The following PLD5 variants were observed in gnomAD, a reference collection of about 807,000 sequenced individuals.
PLD5 encodes the protein inactive phospholipase D5.
Under a neutral mutation model 61.1 loss-of-function variants are expected in PLD5, and 36 were observed. The observed-to-expected ratio is 0.59, with a 90% CI of 0.45 to 0.78. The LOEUF is 0.78. PLD5 is among the 30% of genes least tolerant of loss of function. The probability of loss-of-function intolerance (pLI) is 0.00; values close to 1 mark genes in which losing one functional copy is unlikely to be tolerated. For synonymous variants in PLD5, 243 were observed against 242.8 expected (o/e 1.00, Z -0.01); for missense variants, 515 against 644.4 (o/e 0.80, Z 2.17).
intron 1 of PLD5, among the ~76,000 whole-genome samples, chr1:242,479,176 T>C (rs1667691260): frequency 6.6e-6 from 1 of 152,108 alleles, no homozygotes; most frequent in Non-Finnish European, 1.5e-5. Flanking sequence ...CAATGGACCA[T>C]GGGCAGCACA....
chr1:242,530,535 A>T, the PLD5 span, among the ~76,000 whole-genome samples: 1 of 152,214 alleles, frequency 6.6e-6, no homozygotes, highest in African/African-American at 2.4e-5. Flanking sequence ...CTAAGTTGGC[A>T]CTTCATTTGG....
At chr1:242,339,756 C>T (rs1427565804) in intron 2 of PLD5, among the ~76,000 whole-genome samples, 6 of 152,022 alleles carry the variant, frequency 3.9e-5, no homozygotes, top group African/African-American at 1.4e-4. Flanking sequence ...GAGGGAAGGA[C>T]GAATGAAGTC....
chr1:242,280,110 G>C (rs1242145678), intron 3 of PLD5, among the ~76,000 whole-genome samples: 1 of 152,020 alleles, frequency 6.6e-6, no homozygotes, highest in East Asian at 1.9e-4. Context: ...AAATGAGATA[G>C]GATTATTAAA....
At position 242,524,239 on chromosome 1, in the gene PLD5, G is replaced by C. The variant is rs1050103215; in HGVS notation, c.38C>G (p.Pro13Arg). The C allele has an allele frequency of 9.3e-6, 14 of 1,512,986 alleles. No individual in the cohort carries two copies. The highest frequency in any genetic ancestry group is 2.8e-5 in the African/African-American group (2 of 70,742). The allele number at this position is 1,512,986 out of a possible 1,614,324, so 93.7% of individuals were successfully genotyped here. ...CCTCATCTGCTCGAAGCCCTCATGG[G>C]GGGAGGCCGAGAGCCACTCGTGCTG... ...IRQHEWLSAS[P>R]HEGFEQMRLK... Residue 13 changes from proline (P) to arginine (R), a missense_variant, in exon 1 of 10, where the codon CCC becomes CGC. This residue lies in a region of PLD5 where 65 missense variants were observed against 46.3 expected (regional missense o/e 1.40). Transcript: ENST00000536534.
intron 1 of PLD5, among the ~76,000 whole-genome samples, chr1:242,456,172 C>T (rs1253202322): frequency 1.3e-5 from 2 of 152,212 alleles, no homozygotes; most frequent in Admixed American, 6.5e-5. Context: ...CCTTACTCCG[C>T]CTTGCAATCA....
intron 2 of PLD5, among the ~76,000 whole-genome samples, chr1:242,304,618 T>A (rs1325702328): frequency 6.6e-6 from 1 of 152,218 alleles, no homozygotes; most frequent in Non-Finnish European, 1.5e-5. Context: ...TTAGTTTCTA[T>A]AAGAAACATT....
intron 5 of PLD5, among the ~76,000 whole-genome samples, chr1:242,182,995 A>G (rs1229725348): frequency 6.6e-6 from 1 of 152,240 alleles, no homozygotes; most frequent in Non-Finnish European, 1.5e-5. Flanking sequence ...AATTTCCACT[A>G]ACTCCATCCC....
At chr1:242,103,630 C>G (rs1660844118) in intron 8 of PLD5, among the ~76,000 whole-genome samples, 1 of 152,144 alleles carries the variant, frequency 6.6e-6, no homozygotes, top group South Asian at 2.1e-4. Flanking sequence ...CTCTGACTTC[C>G]TAGGACTGCA....
At chr1:242,310,200 T>C (rs1676619582) in intron 2 of PLD5, among the ~76,000 whole-genome samples, 1 of 152,146 alleles carries the variant, frequency 6.6e-6, no homozygotes, top group African/African-American at 2.4e-5. Flanking sequence ...TGTCTCATTC[T>C]GGTCTCATGT....
At chr1:242,403,089 T>C (rs12024076) in intron 1 of PLD5, among the ~76,000 whole-genome samples, 10,622 of 152,296 alleles carry the variant, frequency 0.07, 503 homozygotes, top group South Asian at 0.14. Flanking sequence ...GGTTAGTTTT[T>C]CTTTCGGAAA....
At position 242,207,878 on chromosome 1, in the gene PLD5, TTATATA is replaced by T. The variant is rs1209797290; in HGVS notation, c.735+12104_735+12109del. Among the ~76,000 whole-genome samples, 155 of 17,152 alleles carry T rather than the reference TTATATA, an allele frequency of 9.0e-3. 28 individuals carry two copies. Among genetic ancestry groups the T allele is most frequent in the African/African-American group, 0.036 (83 of 2,310 alleles). The allele number at this position is 17,152 out of a possible 152,430, so 11.3% of individuals were successfully genotyped here. On this transcript the variant is annotated intron_variant, in intron 5 of 9. Coordinates refer to ENST00000536534, the MANE Select transcript of PLD5 (RefSeq NM_001372062.1). ...TATATATTTATATATTTATATATAT[TTATATA>T]TTTATATATATTTATATATTTATAT...
rs540937507 is a variant in PLD5 at position 242,389,724 on chromosome 1, C to T, written c.190-41482G>A. On this transcript the variant is annotated intron_variant, in intron 1 of 9. Transcript: ENST00000536534. ...AAATATTCATCCACTCCAGCAGCCT[C>T]TCTACAGTGACCAGACTTAGGATTC... Among the ~76,000 whole-genome samples, 48 of 152,128 alleles carry T rather than the reference C, an allele frequency of 3.2e-4. 1 individual carries two copies. The highest frequency in any genetic ancestry group is 1.2e-3 in the African/African-American group (48 of 41,518).
intron 2 of PLD5, among the ~76,000 whole-genome samples, chr1:242,290,616 A>T (rs997576639): frequency 1.3e-5 from 2 of 152,080 alleles, no homozygotes; most frequent in African/African-American, 4.8e-5. Context: ...GAAATAGAAG[A>T]TAAGTCAGTA....
chr1:242,495,452 T>A (rs962809348), intron 1 of PLD5, among the ~76,000 whole-genome samples: 2 of 152,058 alleles, frequency 1.3e-5, no homozygotes, highest in East Asian at 1.9e-4. Flanking sequence ...AGACACGAGC[T>A]GTAAGCAGTA....
chr1:242,405,774 G>A (rs1572082707), intron 1 of PLD5, among the ~76,000 whole-genome samples: 2 of 151,930 alleles, frequency 1.3e-5, no homozygotes, highest in Admixed American at 6.6e-5. Flanking sequence ...GCTAATTTTT[G>A]TATTTTTAGT....
intron 1 of PLD5, among the ~76,000 whole-genome samples, chr1:242,399,687 G>A (rs1663812193): frequency 6.6e-6 from 1 of 151,888 alleles, no homozygotes; most frequent in Non-Finnish European, 1.5e-5. Flanking sequence ...CCAATCCCCG[G>A]GCTGCAAACT....
chr1:242,234,441 G>C (rs576505784), intron 4 of PLD5, among the ~76,000 whole-genome samples: 2 of 152,178 alleles, frequency 1.3e-5, no homozygotes, highest in South Asian at 4.2e-4. Flanking sequence ...TTCAGAAAAA[G>C]AAATGGGTAA....
chr1:242,091,494 C>G (rs1659819262), intron 9 of PLD5, among the ~76,000 whole-genome samples: 1 of 152,148 alleles, frequency 6.6e-6, no homozygotes. Context: ...AGAAAACAGC[C>G]TAAAGATACC....
intron 2 of PLD5, among the ~76,000 whole-genome samples, chr1:242,290,343 G>T (rs1282227424): frequency 6.6e-6 from 1 of 150,874 alleles, no homozygotes; most frequent in African/African-American, 2.4e-5. Flanking sequence ...GGAAGAGAAA[G>T]ATATTCTAGG....
Sources: gnomAD v4.1 joint callset for allele counts (sites outside exome capture counted in the v4.1 genomes callset) on GRCh38, gnomAD v4.1.1 for gene constraint, gnomAD v4.1.1 regional missense constraint, MANE v1.5 for transcripts, NCBI Gene and HGNC (gene_info 2026-07-23, HGNC 2026-07-21) for gene names.